The following TRPC6 variants were observed in gnomAD, a reference collection of about 807,000 sequenced individuals.
TRPC6 encodes short transient receptor potential channel 6.
A neutral mutation model predicts 90.7 loss-of-function variants in TRPC6; 55 were observed. The ratio of observed to expected loss-of-function variants is 0.61; its 90% CI spans 0.49 to 0.76. The LOEUF (loss-of-function observed/expected upper bound fraction) is 0.76. TRPC6 is among the 30% of genes least tolerant of loss of function. The pLI is 0.00. For synonymous variants in TRPC6, 393 were observed against 393.0 expected, an observed-to-expected ratio of 1.00 and a Z score of 0.00; for missense variants, 989 against 1,122.7, an observed-to-expected ratio of 0.88 and a Z score of 1.70.
intron 5 of TRPC6, among the ~76,000 whole-genome samples, chr11:101,481,969 C>T (rs921312077): frequency 1.3e-4 from 20 of 152,156 alleles, no homozygotes; most frequent in African/African-American, 4.8e-4. Flanking sequence ...GTTCCCATGC[C>T]ATCCTTGTCT....
At chr11:101,473,965 T>G (rs1408153829) in intron 6 of TRPC6, among the ~76,000 whole-genome samples, 192 bp from the exon 7 acceptor site, 3 of 152,184 alleles carry the variant, frequency 2.0e-5, no homozygotes, top group African/African-American at 7.2e-5. Context: ...ACTCTCCTGG[T>G]TTACTAGCAA....
At chr11:101,509,693 G>A (rs999590808) in intron 1 of TRPC6, among the ~76,000 whole-genome samples, 6 of 151,864 alleles carry the variant, frequency 4.0e-5, no homozygotes, top group Admixed American at 3.9e-4. Context: ...CTTCTTGAAG[G>A]AACAGCAAAG....
At chr11:101,558,143 A>G (rs1050438496) in intron 1 of TRPC6, among the ~76,000 whole-genome samples, 1 of 151,564 alleles carries the variant, frequency 6.6e-6, no homozygotes. Context: ...AGCGCATAAG[A>G]GCAAAGTACT....
Position 101,471,402 on chromosome 11 carries a change from TGACA to T in TRPC6, c.2206-20_2206-17del, listed in dbSNP as rs1448024864. ...CAGCGTCATCCTATACAAATACACA[TGACA>T]GTTCAGCAAGGAAATGCATAAACAG... On this transcript the variant is annotated splice_polypyrimidine_tract_variant and intron_variant, in intron 8 of 12. Coordinates refer to ENST00000344327, the MANE Select transcript of TRPC6 (RefSeq NM_004621.6). 23 of 1,613,196 alleles carry T rather than the reference TGACA, an allele frequency of 1.4e-5. No individual in the cohort carries two copies. Among genetic ancestry groups the T allele is most frequent in the Non-Finnish European group, 2.0e-5 (23 of 1,179,444 alleles).
intron 1 of TRPC6, among the ~76,000 whole-genome samples, chr11:101,549,027 G>T (rs902563878): frequency 6.7e-6 from 1 of 150,310 alleles, no homozygotes; most frequent in South Asian, 2.1e-4. Flanking sequence ...GTTTTTTTTT[G>T]ATGTTTCATG....
intron 1 of TRPC6, among the ~76,000 whole-genome samples, chr11:101,565,666 A>C (rs1861812001): frequency 6.6e-6 from 1 of 152,036 alleles, no homozygotes; most frequent in African/African-American, 2.4e-5. Context: ...TCTGCCCCTA[A>C]AATATATTAA....
At chr11:101,487,463 C>T (rs1859702130) in intron 4 of TRPC6, among the ~76,000 whole-genome samples, 2 of 152,046 alleles carry the variant, frequency 1.3e-5, no homozygotes, top group Admixed American at 6.6e-5. Flanking sequence ...CCTTTTAGTA[C>T]ACCAGTCACT....
chr11:101,577,859 T>C (rs891730584), intron 1 of TRPC6, among the ~76,000 whole-genome samples: 2 of 152,190 alleles, frequency 1.3e-5, no homozygotes, highest in Admixed American at 6.5e-5. Flanking sequence ...AGAAGAGTAG[T>C]ATGCTGGTGG....
At chr11:101,509,763 C>T (rs1021239364) in intron 1 of TRPC6, among the ~76,000 whole-genome samples, 2 of 151,740 alleles carry the variant, frequency 1.3e-5, no homozygotes, top group African/African-American at 4.8e-5. Flanking sequence ...GTTGTTGTGA[C>T]CACACATATT....
intron 1 of TRPC6, among the ~76,000 whole-genome samples, chr11:101,544,036 A>G (rs982907252): frequency 6.6e-6 from 1 of 152,240 alleles, no homozygotes; most frequent in Non-Finnish European, 1.5e-5. Flanking sequence ...CAAGTTCACA[A>G]GAAAAAAACA....
chr11:101,511,729 C>T (rs969920004), intron 1 of TRPC6, among the ~76,000 whole-genome samples: 3 of 152,060 alleles, frequency 2.0e-5, no homozygotes, highest in Non-Finnish European at 4.4e-5. Flanking sequence ...CGGTGGCTCA[C>T]GCCTGTAATC....
At chr11:101,516,953 T>G (rs940014737) in intron 1 of TRPC6, among the ~76,000 whole-genome samples, 1 of 152,256 alleles carries the variant, frequency 6.6e-6, no homozygotes, top group South Asian at 2.1e-4. Context: ...CAATCAAGGT[T>G]TTTTGCCATG....
chr11:101,512,846 G>C (rs1314274281), intron 1 of TRPC6, among the ~76,000 whole-genome samples: 1 of 152,040 alleles, frequency 6.6e-6, no homozygotes, highest in African/African-American at 2.4e-5. Context: ...TATTACCAAT[G>C]ACTGCCATAA....
rs184294774 is a variant in TRPC6, at chr11:101,559,501, C to T, written c.170+23833G>A. Among the ~76,000 whole-genome samples the T allele has an allele frequency of 3.0e-3, 442 of 147,954 alleles. 3 individuals are homozygous for T. Among genetic ancestry groups the T allele is most frequent in the African/African-American group, 0.011 (425 of 39,848 alleles). The stretch of plus-strand genomic sequence containing the variant: ...ATGATCATGACATATCATGAATACA[C>T]CTCTAAATAAAAGTTAACTTTTTTT... On this transcript the variant is annotated intron_variant, in intron 1 of 12. Transcript: ENST00000344327.
intron 3 of TRPC6, among the ~76,000 whole-genome samples, chr11:101,490,055 A>T (rs1859769569): frequency 6.6e-6 from 1 of 152,200 alleles, no homozygotes; most frequent in Non-Finnish European, 1.5e-5. Flanking sequence ...CTAAAAATAA[A>T]AATTTGACAT....
At chr11:101,505,171 C>A (rs1408438191) in intron 1 of TRPC6, among the ~76,000 whole-genome samples, 3 of 152,182 alleles carry the variant, frequency 2.0e-5, no homozygotes, top group Non-Finnish European at 4.4e-5. Context: ...TATAAGACTA[C>A]ATTTTAAGAA....
At chr11:101,554,312 G>T (rs543845138) in intron 1 of TRPC6, among the ~76,000 whole-genome samples, 12 of 152,056 alleles carry the variant, frequency 7.9e-5, no homozygotes, top group Admixed American at 7.2e-4. Flanking sequence ...AACAACAAAA[G>T]AAAGTTTTAG....
intron 2 of TRPC6, among the ~76,000 whole-genome samples, chr11:101,492,270 C>T (rs1292928341): frequency 1.3e-5 from 2 of 152,074 alleles, no homozygotes; most frequent in South Asian, 2.1e-4. Flanking sequence ...TTATCTAAAG[C>T]ATAATCAAAG....
chr11:101,571,515 A>G (rs1308000614), intron 1 of TRPC6, among the ~76,000 whole-genome samples: 1 of 152,208 alleles, frequency 6.6e-6, no homozygotes, highest in Middle Eastern at 3.2e-3. Flanking sequence ...ATTGGAAAAA[A>G]CTAATTTAAA....
Sources: allele counts gnomAD v4.1 joint callset (sites outside exome capture counted in the v4.1 genomes callset), GRCh38; gene constraint gnomAD v4.1.1; transcripts MANE v1.5; gene names NCBI Gene and HGNC (gene_info 2026-07-23, HGNC 2026-07-21).